Variants in SPHK2 observed in about 807,000 individuals in gnomAD.
The protein encoded by SPHK2 is sphingosine kinase 2.
Under a neutral mutation model 32.3 loss-of-function variants are expected in SPHK2, and 18 were observed. The observed-to-expected ratio is 0.56, with a 90% CI of 0.39 to 0.83. The LOEUF (loss-of-function observed/expected upper bound fraction) is 0.83. SPHK2 is among the 40% of genes least tolerant of loss of function. The pLI, the probability that SPHK2 is intolerant of heterozygous loss-of-function variation, is 0.00. For missense variants in SPHK2, 850 were observed against 908.7 expected, an observed-to-expected ratio of 0.94 and a Z score of 0.83; for synonymous variants, 462 against 417.6, an observed-to-expected ratio of 1.11 and a Z score of -1.30.
In SPHK2 at chr19:48,630,146, G is replaced by A; in HGVS notation, c.*373G>A. On this transcript the variant is annotated 3_prime_UTR_variant, in exon 7 of 7. Transcript: ENST00000245222. This position sits in a 1 kb window ranked among gnomAD's most constrained non-coding sequence, Gnocchi z 4.9. ...GACAGGACCTGGAATGTACTGGCTG[G>A]GGTAGGCCTCAGTGAGTCGGCCGGT... 2 of 1,250,694 alleles carry A rather than the reference G, an allele frequency of 1.6e-6. No individual in the cohort carries two copies. Among genetic ancestry groups the A allele is most frequent in the Non-Finnish European group, 1.0e-6 (1 of 995,390 alleles). The allele number at this position is 1,250,694 out of a possible 1,614,324, so 77.5% of individuals were successfully genotyped here. A position where few individuals can be genotyped will look rare whatever the true frequency, so the allele number is the denominator to read the frequency against.
At chr19:48,623,050 C>T (rs1259317789) in intron 2 of SPHK2, among the ~76,000 whole-genome samples, 3 of 151,358 alleles carry the variant, frequency 2.0e-5, no homozygotes, top group South Asian at 2.1e-4. Flanking sequence ...CCAGACTATC[C>T]TGGCTAACAC....
At position 48,629,068 on chromosome 19, in the gene SPHK2, G is replaced by A. The variant is rs1568435035; in HGVS notation, c.1260G>A (p.Val420=). 6.2e-7 allele frequency: 1 copy of A among 1,613,192 alleles called. No individual in the cohort carries two copies. Among genetic ancestry groups the A allele is most frequent in the East Asian group, 2.2e-5 (1 of 44,850 alleles). The change falls in exon 7 of 7, where the codon GTG becomes GTA. Residue 420 remains valine, a synonymous_variant. Transcript: ENST00000245222. ...PMAHSPLHRS[V]SDLPLPLPQP... is the part of the protein sequence containing the mutation. ...CCCACTCACCCCTGCATCGTTCTGT[G>A]TCTGACCTGCCTCTTCCCCTGCCCC...
chr19:48,627,966 C>A lies in SPHK2; in HGVS notation c.662-9C>A, dbSNP rs760451398. 8 of 1,574,758 alleles carry A rather than the reference C, an allele frequency of 5.1e-6. No homozygotes were observed. Among genetic ancestry groups the A allele is most frequent in the Non-Finnish European group, 2.6e-6 (3 of 1,157,880 alleles). On this transcript the variant is annotated splice_polypyrimidine_tract_variant and intron_variant, in intron 4 of 6. Transcript: ENST00000245222. ...ACAGCCTGCCTAACAGCCCGGTATC[C>A]CACTTCAGAACGACAGAACCACGCC...
intron 2 of SPHK2, chr19:48,624,635 C>G (rs1974535645): frequency 6.6e-6 from 1 of 152,560 alleles, no homozygotes; most frequent in Admixed American, 6.5e-5. Context: ...GGGCCAGACA[C>G]GCAGGCCTAT....
intron 2 of SPHK2, among the ~76,000 whole-genome samples, chr19:48,622,755 CTCTT>C (rs1974453739): frequency 7.5e-6 from 1 of 133,432 alleles, no homozygotes; most frequent in South Asian, 2.4e-4. Flanking sequence ...ACATTTGTCT[CTCTT>C]TTTTTTTTTT....
rs113211524 is a variant in SPHK2 at position 48,627,960 on chromosome 19, G to C, written c.662-15G>C. 2 of 1,572,360 alleles carry C rather than the reference G, an allele frequency of 1.3e-6. No homozygotes were observed. The highest frequency in any genetic ancestry group is 1.7e-6 in the Non-Finnish European group (2 of 1,156,412). ...GGTGGGACAGCCTGCCTAACAGCCC[G>C]GTATCCCACTTCAGAACGACAGAAC... On this transcript the variant is annotated splice_polypyrimidine_tract_variant and intron_variant, in intron 4 of 6. Transcript: ENST00000245222.
intron 2 of SPHK2, among the ~76,000 whole-genome samples, chr19:48,622,834 C>T (rs1974458888): frequency 2.2e-5 from 3 of 138,954 alleles, no homozygotes; most frequent in South Asian, 2.3e-4. Flanking sequence ...GGCATCATCT[C>T]GGCTCACTGT....
intron 3 of SPHK2, 68 bp downstream of exon 3, chr19:48,626,430 C>T (rs1021953000): frequency 8.2e-6 from 12 of 1,459,178 alleles, no homozygotes; most frequent in Non-Finnish European, 1.1e-5. Context: ...CCTCCATAGG[C>T]AGCTGTGTCT....
At chr19:48,625,296 CT>C (rs1286083660) in intron 2 of SPHK2, 1 of 1,108,574 alleles carries the variant, frequency 9.0e-7, no homozygotes, top group Non-Finnish European at 1.1e-6. Context: ...TGAGTTTCAC[CT>C]CATTGACCCT....
intron 2 of SPHK2, among the ~76,000 whole-genome samples, chr19:48,622,653 C>CCGT (rs1158189515): frequency 6.6e-6 from 1 of 152,066 alleles, no homozygotes; most frequent in Admixed American, 6.6e-5. Context: ...CCCCTTCTCT[C>CCGT]CGTGTCATTC....
intron 2 of SPHK2, among the ~76,000 whole-genome samples, chr19:48,622,757 C>CTTTTTTTTTTTTTTTTTTT (rs779108312): frequency 9.2e-6 from 1 of 108,546 alleles, no homozygotes. Context: ...ATTTGTCTCT[C>CTTTTTTTTTTTTTTTTTTT]TTTTTTTTTT....
At chr19:48,620,879 G>GTGC in intron 2 of SPHK2, 1 of 225,770 alleles carries the variant, frequency 4.4e-6, no homozygotes, top group Non-Finnish European at 8.9e-6. Flanking sequence ...AGCCGAGATC[G>GTGC]CGCTGCACTC....
chr19:48,628,606 C>A lies in SPHK2; in HGVS notation c.873-75C>A. ...GCCTTCGTGGTCTCATTGCCAGCTG[C>A]TTTCCTACCTGTCTCTTTCCCCAAC... On this transcript the variant is annotated intron_variant, in intron 6 of 6. Transcript: ENST00000245222. This position sits in a 1 kb window ranked among gnomAD's most constrained non-coding sequence, Gnocchi z 5.2. The A allele has an allele frequency of 6.4e-7, 1 of 1,564,218 alleles. No homozygotes were observed. The highest frequency in any genetic ancestry group is 8.7e-7 in the Non-Finnish European group (1 of 1,152,480).
At chr19:48,623,597 T>C (rs921476898) in intron 2 of SPHK2, among the ~76,000 whole-genome samples, 4 of 152,206 alleles carry the variant, frequency 2.6e-5, no homozygotes, top group African/African-American at 9.7e-5. Flanking sequence ...CTCCCTCACC[T>C]TTGACCTAGA....
At position 48,620,431 on chromosome 19, in the gene SPHK2, C is replaced by G; in HGVS notation, c.-84C>G. On this transcript the variant is annotated 5_prime_UTR_variant, in exon 2 of 7. Transcript: ENST00000245222. ...GAAGGTCAGGCCAGGACAGTGAGACCTGACTCCTTGCTCCTACCAGCCTAC... is the reference window on the plus strand; with the variant it reads ...GAAGGTCAGGCCAGGACAGTGAGACGTGACTCCTTGCTCCTACCAGCCTAC... The G allele has an allele frequency of 7.9e-7, 1 of 1,267,748 alleles. No individual in the cohort carries two copies. The highest frequency in any genetic ancestry group is 1.1e-6 in the Non-Finnish European group (1 of 886,910). The allele number at this position is 1,267,748 out of a possible 1,614,324, so 78.5% of individuals were successfully genotyped here. A position where few individuals can be genotyped will look rare whatever the true frequency, so the allele number is the denominator to read the frequency against.
chr19:48,621,375 G>C, intron 2 of SPHK2, among the ~76,000 whole-genome samples: 1 of 151,900 alleles, frequency 6.6e-6, no homozygotes, highest in Non-Finnish European at 1.5e-5. Flanking sequence ...CACTGCACCC[G>C]GCCAATTTTT....
intron 2 of SPHK2, chr19:48,625,308 G>A: frequency 9.0e-7 from 1 of 1,116,614 alleles, no homozygotes; most frequent in Non-Finnish European, 1.1e-6. Context: ...CATTGACCCT[G>A]TTTGTCTCCT....
intron 2 of SPHK2, chr19:48,624,221 G>C (rs575962795): frequency 6.6e-6 from 1 of 152,372 alleles, no homozygotes; most frequent in Admixed American, 6.5e-5. Flanking sequence ...CGAAGCGCGA[G>C]GCCCCGCCCA....
Position 48,620,558 on chromosome 19 carries a change from G to C in SPHK2, c.39+5G>C. 1 of 1,611,226 alleles carries C rather than the reference G, an allele frequency of 6.2e-7. No homozygotes were observed. The highest frequency in any genetic ancestry group is 1.1e-5 in the South Asian group (1 of 90,850). ...GCAGAGGAGCAGCAGGACCAGGTAA[G>C]GGACCATCTAAAAGCCAAGATCCTC... On this transcript the variant is annotated splice_donor_5th_base_variant and intron_variant, in intron 2 of 6. Coordinates refer to ENST00000245222, the MANE Select transcript of SPHK2 (RefSeq NM_020126.5).
Sources: gnomAD v4.1 joint callset for allele counts (sites outside exome capture counted in the v4.1 genomes callset) on GRCh38, gnomAD v4.1.1 for gene constraint, Gnocchi (gnomAD v3.1) non-coding constraint, MANE v1.5 for transcripts, NCBI Gene and HGNC (gene_info 2026-07-23, HGNC 2026-07-21) for gene names.